The following TAS2R20 variants were observed in gnomAD, a reference collection of about 807,000 sequenced individuals.
TAS2R20 encodes the protein taste 2 receptor member 20.
For missense variants in TAS2R20, 364 were observed against 352.2 expected (o/e 1.03, Z -0.27); for synonymous variants, 136 against 127.1 (o/e 1.07, Z -0.47).
In TAS2R20 at chr12:10,997,845, T is replaced by C; in HGVS notation, c.31A>G (p.Ile11Val). The change falls in exon 1 of 1, where the codon ATT becomes GTT. Residue 11 changes from isoleucine (I) to valine (V), a missense_variant. By Grantham distance (29) the Ile-to-Val change is conservative. Transcript: ENST00000538986. MMSFLHIVFSILVVVAFILGN... is the reference protein window; with the variant it reads MMSFLHIVFSVLVVVAFILGN... ...AGAATAAATGCAACCACTACTAGAA[T>C]GGAAAAAACAATGTGTAGAAAACTC... 1.2e-6 allele frequency: 2 copies of C among 1,602,218 alleles called. No homozygotes were observed. The highest frequency in any genetic ancestry group is 2.3e-5 in the South Asian group (2 of 88,578).
chr12:10,997,970 T>A lies in TAS2R20; in HGVS notation c.-95A>T. ...ACTTTAAGTTAAATATGCACTTGAT[T>A]CCTGAATGTCCAATAACATTCTTTA... is the stretch of plus-strand genomic sequence containing the variant. On this transcript the variant is annotated 5_prime_UTR_variant, in exon 1 of 1. Coordinates refer to ENST00000538986, the MANE Select transcript of TAS2R20 (RefSeq NM_176889.4). 1.3e-6 allele frequency: 1 copy of A among 746,986 alleles called. No homozygotes were observed. The highest frequency in any genetic ancestry group is 2.1e-6 in the Non-Finnish European group (1 of 469,924). The allele number at this position is 746,986 out of a possible 1,614,324, so 46.3% of individuals were successfully genotyped here.
rs1940355629 is a variant in TAS2R20 at position 10,997,683 on chromosome 12, G to A, written c.193C>T (p.His65Tyr). 1.1e-5 allele frequency: 17 copies of A among 1,613,714 alleles called. No individual in the cohort carries two copies. The highest frequency in any genetic ancestry group is 1.4e-5 in the Non-Finnish European group (17 of 1,179,876). ...GGATTCAACACAGTTGAATACCAATGTAATAATATTACCCAGAGCAAACCA... is the reference window on the plus strand; with the variant it reads ...GGATTCAACACAGTTGAATACCAATATAATAATATTACCCAGAGCAAACCA... ...RVGLLWVILLHWYSTVLNPTS... is the reference protein window; with the variant it reads ...RVGLLWVILLYWYSTVLNPTS... The change falls in exon 1 of 1, where the codon CAT (histidine) becomes TAT (tyrosine). Residue 65 changes from histidine to tyrosine, a missense_variant. Physicochemically the swap from His to Tyr is moderately conservative, Grantham distance 83. Transcript: ENST00000538986.
rs1323483034 is a variant in TAS2R20, at chr12:10,997,278, A to G, written c.598T>C (p.Tyr200His). 1 of 1,614,170 alleles carries G rather than the reference A, an allele frequency of 6.2e-7. No individual in the cohort carries two copies. The highest frequency in any genetic ancestry group is 1.1e-5 in the South Asian group (1 of 91,080). ...LTLISFLLLI[Y>H]SLCKHLKKMQ... ...TTCTTCAGATGTTTACACAGAGAGT[A>G]GATTAACAGCAGAAAAGATATCAGG... The change falls in exon 1 of 1, where the codon TAC becomes CAC. Residue 200 changes from tyrosine (Y) to histidine (H), a missense_variant. Physicochemically the swap from Tyr to His is moderately conservative, Grantham distance 83 (BLOSUM62 2). Transcript: ENST00000538986.
rs757500165 is a variant in TAS2R20 at position 10,997,260 on chromosome 12, G to T, written c.616C>A (p.Leu206Met). The T allele has an allele frequency of 1.9e-6, 3 of 1,614,102 alleles. No homozygotes were observed. ...LLLIYSLCKH[L>M]KKMQLHGKGS... ...TTGCCATGGAGCTGCATCTTCTTCA[G>T]ATGTTTACACAGAGAGTAGATTAAC... Residue 206 changes from leucine to methionine, a missense_variant, in exon 1 of 1, where the codon CTG becomes ATG. Transcript: ENST00000538986.
rs781241279 is a variant in TAS2R20, at chr12:10,997,906, G to A, written c.-31C>T. 2 of 1,486,604 alleles carry A rather than the reference G, an allele frequency of 1.3e-6. No individual in the cohort carries two copies. The highest frequency in any genetic ancestry group is 4.6e-5 in the East Asian group (2 of 43,706). 92.1% of individuals were successfully genotyped at this position (1,486,604 alleles called of 1,614,324 possible). A position where few individuals can be genotyped will look rare whatever the true frequency, so the allele number is the denominator to read the frequency against. On this transcript the variant is annotated 5_prime_UTR_variant, in exon 1 of 1. Coordinates refer to ENST00000538986, the MANE Select transcript of TAS2R20 (RefSeq NM_176889.4). ...AACAAAAAAGCAAGTAAAAAATTCA[G>A]GCCTAATGTCACTGATGGTGACTCC...
rs147794418 is a variant in TAS2R20 at position 10,996,988 on chromosome 12, C to T, written c.888G>A (p.Gln296=). Residue 296 remains glutamine (Q), a synonymous_variant, in exon 1 of 1, where the codon CAG becomes CAA. Coordinates refer to ENST00000538986, the MANE Select transcript of TAS2R20 (RefSeq NM_176889.4). ...TCTGTCCTTTTGCCCAGCAAGTCACCTGCCACAAAACTGAAAGAAAGGTCT... is the reference window on the plus strand; with the variant it reads ...TCTGTCCTTTTGCCCAGCAAGTCACTTGCCACAAAACTGAAAGAAAGGTCT... ...LKQTFLSVLW[Q]VTCWAKGQNQ... 389 of 1,613,532 alleles carry T rather than the reference C, an allele frequency of 2.4e-4. No individual in the cohort carries two copies. The African/African-American group carries it at 4.6e-3, about 19-fold the overall frequency.
At chr12:10,996,962 TTC>T in the TAS2R20 span, 1 of 1,612,216 alleles carries the variant, frequency 6.2e-7, no homozygotes, top group Non-Finnish European at 8.5e-7. Context: ...AGTTGACTGG[TTC>T]TGTCCTTTTG....
In TAS2R20 at chr12:10,997,838, A is replaced by G. The variant is rs141300962; in HGVS notation, c.38T>C (p.Val13Ala). The G allele has an allele frequency of 1.5e-4, 234 of 1,603,890 alleles. No homozygotes were observed. The highest frequency in any genetic ancestry group is 1.8e-4 in the Non-Finnish European group (211 of 1,176,828). ...ATTTCCAAGAATAAATGCAACCACT[A>G]CTAGAATGGAAAAAACAATGTGTAG... ...SFLHIVFSILVVVAFILGNFA... is the reference protein window; with the variant it reads ...SFLHIVFSILAVVAFILGNFA... The change falls in exon 1 of 1, where the codon GTA becomes GCA. Residue 13 changes from valine to alanine, a missense_variant. Coordinates refer to ENST00000538986, the MANE Select transcript of TAS2R20 (RefSeq NM_176889.4).
Position 10,997,995 on chromosome 12 carries a change from A to C in TAS2R20, c.-120T>G, listed in dbSNP as rs748734715. The C allele has an allele frequency of 4.8e-5, 31 of 640,476 alleles. No homozygotes were observed. The highest frequency in any genetic ancestry group is 1.3e-4 in the Admixed American group (4 of 30,568). The allele number at this position is 640,476 out of a possible 1,614,324, so 39.7% of individuals were successfully genotyped here. A position where few individuals can be genotyped will look rare whatever the true frequency, so the allele number is the denominator to read the frequency against. On this transcript the variant is annotated 5_prime_UTR_variant, in exon 1 of 1. Coordinates refer to ENST00000538986, the MANE Select transcript of TAS2R20 (RefSeq NM_176889.4). ...TCCTGAATGTCCAATAACATTCTTTATACTTTTAAATTCTGTGAACAATGT... is the reference window on the plus strand; with the variant it reads ...TCCTGAATGTCCAATAACATTCTTTCTACTTTTAAATTCTGTGAACAATGT...
At position 10,996,534 on chromosome 12, in the gene TAS2R20, A is replaced by G. The variant is rs1253223804; in HGVS notation, c.*412T>C. ...AACAGCAATGATTTTACAACGAAAA[A>G]CAGCAATGATTTTCTGATATAAGCT... On this transcript the variant is annotated 3_prime_UTR_variant, in exon 1 of 1. Coordinates refer to ENST00000538986, the MANE Select transcript of TAS2R20 (RefSeq NM_176889.4). 6.5e-6 allele frequency: 1 copy of G among 153,840 alleles called. No individual in the cohort carries two copies. The highest frequency in any genetic ancestry group is 1.9e-4 in the East Asian group (1 of 5,252). 9.5% of individuals were successfully genotyped at this position (153,840 alleles called of 1,614,324 possible).
rs1940289091 is a variant in TAS2R20, at chr12:10,997,039, C to T, written c.837G>A (p.Leu279=). The T allele has an allele frequency of 6.2e-7, 1 of 1,613,908 alleles. No individual in the cohort carries two copies. Among genetic ancestry groups the T allele is most frequent in the Non-Finnish European group, 8.5e-7 (1 of 1,179,956 alleles). ...IIYPSFHSFI[L]IWGNKTLKQT... is the part of the protein sequence containing the mutation. Reference sequence around the variant, plus strand: ...GCTTTAGCGTCTTGTTCCCCCAAATCAGAATGAATGAGTGGAATGATGGAT... The same window carrying T: ...GCTTTAGCGTCTTGTTCCCCCAAATTAGAATGAATGAGTGGAATGATGGAT... The change falls in exon 1 of 1, where the codon CTG becomes CTA. Residue 279 remains leucine, a synonymous_variant. Transcript: ENST00000538986.
chr12:10,996,212 C>T lies in TAS2R20; in HGVS notation c.*734G>A, dbSNP rs1156386557. Among the ~76,000 whole-genome samples the T allele has an allele frequency of 1.3e-5, 2 of 151,686 alleles. No individual in the cohort carries two copies. Among genetic ancestry groups the T allele is most frequent in the Non-Finnish European group, 2.9e-5 (2 of 67,930 alleles). ...CGTGTGGTAGCGCATGCCTGGAGTC[C>T]CAGCCACTCAGGAGGCTGACGCATG... On this transcript the variant is annotated 3_prime_UTR_variant, in exon 1 of 1. Coordinates refer to ENST00000538986, the MANE Select transcript of TAS2R20 (RefSeq NM_176889.4).
rs1940208594 is a variant in TAS2R20, at chr12:10,996,011, G to A, written c.*935C>T. On this transcript the variant is annotated 3_prime_UTR_variant, in exon 1 of 1. Transcript: ENST00000538986. ...TGTGCATTGTTATCTAACAATAATT[G>A]TATTTGCTTTATATTAAACATAAAA... is the stretch of plus-strand genomic sequence containing the variant. Among the ~76,000 whole-genome samples the A allele has an allele frequency of 6.6e-6, 1 of 151,748 alleles. No homozygotes were observed. The highest frequency in any genetic ancestry group is 2.1e-4 in the South Asian group (1 of 4,820).
At chr12:10,997,693 TA>T in the TAS2R20 span, 1 of 1,613,728 alleles carries the variant, frequency 6.2e-7, no homozygotes, top group Non-Finnish European at 8.5e-7. Context: ...GTAATAATAT[TA>T]CCCAGAGCAA....
Position 10,997,601 on chromosome 12 carries a change from T to C in TAS2R20, c.275A>G (p.Asn92Ser), listed in dbSNP as rs1250582957. 3.1e-6 allele frequency: 5 copies of C among 1,614,076 alleles called. No homozygotes were observed. Among genetic ancestry groups the C allele is most frequent in the Non-Finnish European group, 4.2e-6 (5 of 1,179,968 alleles). ...AGTAGCAAGCCAGATGCTGAAATGA[T>C]TGGTTACTGCCCAGGCATTAGAAAT... ...IFISNAWAVT[N>S]HFSIWLATSL... Residue 92 changes from asparagine to serine, a missense_variant, in exon 1 of 1, where the codon AAT becomes AGT. Asn to Ser is a conservative substitution (Grantham distance 46). Coordinates refer to ENST00000538986, the MANE Select transcript of TAS2R20 (RefSeq NM_176889.4).
At position 10,996,815 on chromosome 12, in the gene TAS2R20, AC is replaced by A; in HGVS notation, c.*130del. On this transcript the variant is annotated 3_prime_UTR_variant, in exon 1 of 1. Coordinates refer to ENST00000538986, the MANE Select transcript of TAS2R20 (RefSeq NM_176889.4). ...TTTATATAATAAACTTAGGTAAAAG[AC>A]TTTTCTATGTCAACTTTTGGAAATT... The A allele has an allele frequency of 1.4e-6, 1 of 697,478 alleles. No homozygotes were observed. Among genetic ancestry groups the A allele is most frequent in the East Asian group, 2.9e-5 (1 of 34,888 alleles). The allele number at this position is 697,478 out of a possible 1,614,324, so 43.2% of individuals were successfully genotyped here. A position where few individuals can be genotyped will look rare whatever the true frequency, so the allele number is the denominator to read the frequency against.
chr12:10,997,649 G>C lies in TAS2R20; in HGVS notation c.227C>G (p.Ser76Cys). The part of the protein sequence containing the change: ...WYSTVLNPTS[S>C]NLKVIIFISN... ...AATAAAAATTATTACTTTTAAATTA[G>C]ATGAAGTTGGATTCAACACAGTTGA... The change falls in exon 1 of 1, where the codon TCT (serine) becomes TGT (cysteine). Residue 76 changes from serine (S) to cysteine (C), a missense_variant. Coordinates refer to ENST00000538986, the MANE Select transcript of TAS2R20 (RefSeq NM_176889.4). The C allele has an allele frequency of 6.2e-7, 1 of 1,613,576 alleles. No homozygotes were observed. The highest frequency in any genetic ancestry group is 8.5e-7 in the Non-Finnish European group (1 of 1,179,806).
At position 10,996,510 on chromosome 12, in the gene TAS2R20, A is replaced by G. The variant is rs1591786499; in HGVS notation, c.*436T>C. The G allele has an allele frequency of 1.3e-5, 2 of 152,938 alleles. No individual in the cohort carries two copies. The highest frequency in any genetic ancestry group is 4.8e-5 in the African/African-American group (2 of 41,444). The allele number at this position is 152,938 out of a possible 1,614,324, so 9.5% of individuals were successfully genotyped here. A position where few individuals can be genotyped will look rare whatever the true frequency, so the allele number is the denominator to read the frequency against. On this transcript the variant is annotated 3_prime_UTR_variant, in exon 1 of 1. Coordinates refer to ENST00000538986, the MANE Select transcript of TAS2R20 (RefSeq NM_176889.4). ...TACGTGATACAAATTACAACGAAAAACAGCAATGATTTTACAACGAAAAAC... is the reference window on the plus strand; with the variant it reads ...TACGTGATACAAATTACAACGAAAAGCAGCAATGATTTTACAACGAAAAAC...
Position 10,997,302 on chromosome 12 carries a change from G to C in TAS2R20, c.574C>G (p.Leu192Val), listed in dbSNP as rs543688513. The stretch of plus-strand genomic sequence containing the variant: ...TAGATTAACAGCAGAAAAGATATCA[G>C]GGTCAGAGTGAATGGTATCAAGTTT... The part of the protein sequence containing the change: ...LANLIPFTLT[L>V]ISFLLLIYSL... Residue 192 changes from leucine to valine, a missense_variant, in exon 1 of 1, where the codon CTG becomes GTG. Physicochemically the swap from Leu to Val is conservative, Grantham distance 32. Coordinates refer to ENST00000538986, the MANE Select transcript of TAS2R20 (RefSeq NM_176889.4). 10 of 1,614,102 alleles carry C rather than the reference G, an allele frequency of 6.2e-6. 1 individual carries two copies. In the Admixed American group the frequency reaches 1.2e-4, roughly 19 times the overall value.
Sources: allele counts gnomAD v4.1 joint callset (sites outside exome capture counted in the v4.1 genomes callset), GRCh38; gene constraint gnomAD v4.1.1; transcripts MANE v1.5; gene names NCBI Gene and HGNC (gene_info 2026-07-23, HGNC 2026-07-21).